ARNT: variants seen among roughly 807,000 people sequenced by gnomAD.
ARNT encodes the protein aryl hydrocarbon receptor nuclear translocator, also known as class E basic helix-loop-helix protein 2.
Under a neutral mutation model 105.0 loss-of-function variants are expected in ARNT, and 30 were observed. That is an observed-to-expected ratio of 0.29 (90% confidence interval 0.21 to 0.39). The LOEUF is 0.39. Among genes scored for constraint, ARNT ranks in the 10% least tolerant of loss-of-function variants. The pLI, the probability that ARNT is intolerant of heterozygous loss-of-function variation, is 1.00. For synonymous variants in ARNT, 304 were observed against 344.0 expected (o/e 0.88, Z 1.29); for missense variants, 748 against 978.7 (o/e 0.76, Z 3.15).
At chr1:150,816,027 C>T (rs1280828269) in intron 19 of ARNT, among the ~76,000 whole-genome samples, 1 of 152,106 alleles carries the variant, frequency 6.6e-6, no homozygotes, top group Non-Finnish European at 1.5e-5. Flanking sequence ...GTGCTCAAAA[C>T]GTTCCAAGTG....
At chr1:150,850,980 T>A (rs1185101275) in intron 3 of ARNT, among the ~76,000 whole-genome samples, 80 of 142,734 alleles carry the variant, frequency 5.6e-4, no homozygotes, top group Admixed American at 5.4e-3. Flanking sequence ...AGCCGCCCCG[T>A]CTGAGAATTG....
At chr1:150,857,883 A>G (rs950232684) in intron 2 of ARNT, among the ~76,000 whole-genome samples, 4 of 152,214 alleles carry the variant, frequency 2.6e-5, no homozygotes. Flanking sequence ...CAATGCCATA[A>G]CACTAATTAG....
intron 5 of ARNT, 150 bp downstream of exon 5, chr1:150,842,274 G>C (rs1661424724): frequency 1.5e-6 from 2 of 1,321,470 alleles, no homozygotes; most frequent in Non-Finnish European, 2.0e-6. Flanking sequence ...CAAAGTTCCT[G>C]TTACACTCAA....
rs767506147 is a variant in ARNT at position 150,858,329 on chromosome 1, C to T, written c.137+20G>A. On this transcript the variant is annotated intron_variant, in intron 2 of 21. Coordinates refer to ENST00000358595, the MANE Select transcript of ARNT (RefSeq NM_001668.4). ...TGGTTTATAGGAGAGATATTCATAA[C>T]ACACTACACTCAAACTCACCCTGGT... is the stretch of plus-strand genomic sequence containing the variant. The T allele has an allele frequency of 1.3e-5, 21 of 1,568,292 alleles. No homozygotes were observed. The highest frequency in any genetic ancestry group is 1.8e-5 in the Non-Finnish European group (21 of 1,145,916).
chr1:150,836,802 G>A (rs1660411630), intron 6 of ARNT, among the ~76,000 whole-genome samples: 1 of 152,354 alleles, frequency 6.6e-6, no homozygotes, highest in Non-Finnish European at 1.5e-5. Flanking sequence ...AGCACTTTGG[G>A]AGGTCAAAGT....
At chr1:150,859,924 T>C (rs1161040971) in intron 1 of ARNT, among the ~76,000 whole-genome samples, 1 of 151,870 alleles carries the variant, frequency 6.6e-6, no homozygotes, top group African/African-American at 2.4e-5. Context: ...GGAGGATCAC[T>C]TGAGCCTGGG....
At chr1:150,818,095 A>G (rs1028935203) in intron 14 of ARNT, 65 bp from the exon 15 acceptor site, 1 of 1,145,004 alleles carries the variant, frequency 8.7e-7, no homozygotes, top group African/African-American at 1.5e-5. Context: ...AGAGAGAGAA[A>G]GAGAAGAATA....
intron 1 of ARNT, among the ~76,000 whole-genome samples, chr1:150,873,268 G>A (rs11809393): frequency 0.011 from 1,718 of 150,226 alleles, 35 homozygotes; most frequent in African/African-American, 0.04. Flanking sequence ...CAGCCTGGGC[G>A]ACAGAGTGAG....
intron 1 of ARNT, among the ~76,000 whole-genome samples, chr1:150,858,903 A>G (rs1571455178): frequency 6.6e-6 from 1 of 151,686 alleles, no homozygotes; most frequent in East Asian, 1.9e-4. Context: ...GATTATAGGC[A>G]TGAGCCACCA....
intron 4 of ARNT, among the ~76,000 whole-genome samples, 200 bp downstream of exon 4, chr1:150,846,063 A>G (rs1256647738): frequency 6.6e-6 from 1 of 152,194 alleles, no homozygotes; most frequent in Non-Finnish European, 1.5e-5. Context: ...TGTATAAAAT[A>G]TACCGCCAGT....
chr1:150,829,281 A>C, intron 11 of ARNT, 54 bp from the exon 12 acceptor site: 1 of 1,553,906 alleles, frequency 6.4e-7, no homozygotes, highest in Non-Finnish European at 8.8e-7. Flanking sequence ...TTACAGATGT[A>C]TTTCCTATCT....
intron 5 of ARNT, among the ~76,000 whole-genome samples, chr1:150,840,354 T>G (rs587731074): frequency 3.9e-5 from 6 of 152,326 alleles, no homozygotes; most frequent in Admixed American, 1.3e-4. Flanking sequence ...TTAACTCCCA[T>G]GCTTACTAAT....
At chr1:150,853,133 T>A in intron 2 of ARNT, 2 of 314,046 alleles carry the variant, frequency 6.4e-6, no homozygotes, top group South Asian at 5.2e-5. Context: ...ATACAAAAAT[T>A]AGCTGGGCAT....
chr1:150,813,667 G>A (rs757644937), intron 20 of ARNT, among the ~76,000 whole-genome samples: 16 of 150,302 alleles, frequency 1.1e-4, no homozygotes, highest in Non-Finnish European at 1.5e-4. Context: ...TTTTTGAGAC[G>A]GAGTTTCACT....
rs1409014835 is a variant in ARNT, at chr1:150,834,432, T to C, written c.803+106A>G. The C allele has an allele frequency of 3.6e-6, 4 of 1,111,516 alleles. No individual in the cohort carries two copies. In the African/African-American group the frequency reaches 6.2e-5, roughly 17 times the overall value. The allele number at this position is 1,111,516 out of a possible 1,614,324, so 68.9% of individuals were successfully genotyped here. On this transcript the variant is annotated intron_variant, in intron 8 of 21. Transcript: ENST00000358595. ...TTACAATCCATCTGGGTATGGAGAG[T>C]TAAATTTAATCCACTGGAGCTAATC... is the stretch of plus-strand genomic sequence containing the variant.
In ARNT at chr1:150,814,081, G is replaced by A. The variant is rs764916358; in HGVS notation, c.2109C>T (p.Asn703=). Residue 703 remains asparagine (N), a synonymous_variant, in exon 20 of 22, where the codon AAC becomes AAT. Coordinates refer to ENST00000358595, the MANE Select transcript of ARNT (RefSeq NM_001668.4). ...AYPSLTNRGS[N]FAPETGQTAG... ...CTCCTTATGGTCTGGACTCACCAAA[G>A]TTAGATCCACGATTGGTGAGACTAG... is the stretch of plus-strand genomic sequence containing the variant. The A allele has an allele frequency of 4.3e-6, 7 of 1,614,118 alleles. No homozygotes were observed. Among genetic ancestry groups the A allele is most frequent in the Non-Finnish European group, 5.1e-6 (6 of 1,180,012 alleles).
intron 14 of ARNT, among the ~76,000 whole-genome samples, chr1:150,818,620 G>A (rs10305735): frequency 2.4e-3 from 362 of 152,048 alleles, no homozygotes; most frequent in Non-Finnish European, 4.3e-3. Context: ...GCGTGGTGGC[G>A]GGCTCCTGTA....
At chr1:150,842,130 T>G (rs1331447718) in intron 5 of ARNT, 1 of 329,448 alleles carries the variant, frequency 3.0e-6, no homozygotes, top group Non-Finnish European at 4.3e-6. Flanking sequence ...TTGCATTCCT[T>G]CTAAGAGCTT....
Position 150,816,342 on chromosome 1 carries a change from C to T in ARNT, c.1867G>A (p.Ala623Thr). The T allele has an allele frequency of 6.2e-7, 1 of 1,608,932 alleles. No homozygotes were observed. The highest frequency in any genetic ancestry group is 8.5e-7 in the Non-Finnish European group (1 of 1,178,448). Residue 623 changes from alanine to threonine, a missense_variant, in exon 19 of 22, where the codon GCC (alanine) becomes ACC (threonine). Coordinates refer to ENST00000358595, the MANE Select transcript of ARNT (RefSeq NM_001668.4). ...GGGTTGGAGTGGCGGGAAATCTGGG[C>T]CAACATCTGTCCTGCAGAAGCTGAT... is the stretch of plus-strand genomic sequence containing the variant. ...QPSASAGQML[A>T]QISRHSNPTQ... is the part of the protein sequence containing the mutation.
Sources: allele counts gnomAD v4.1 joint callset (sites outside exome capture counted in the v4.1 genomes callset), GRCh38; gene constraint gnomAD v4.1.1; transcripts MANE v1.5; gene names NCBI Gene and HGNC (gene_info 2026-07-23, HGNC 2026-07-21).